Variants in NRCAM observed in about 807,000 individuals in gnomAD.
NRCAM encodes the protein NgCAM-related cell adhesion molecule.
Under a neutral mutation model 156.5 loss-of-function variants are expected in NRCAM, and 83 were observed. That is an observed-to-expected ratio of 0.53 (90% CI 0.44 to 0.64). NRCAM has a LOEUF of 0.64. NRCAM is among the 30% of genes least tolerant of loss of function. The probability of loss-of-function intolerance (pLI) is 0.00; values close to 1 mark genes in which losing one functional copy is unlikely to be tolerated. For missense variants in NRCAM, 1,417 were observed against 1,597.3 expected, an observed-to-expected ratio of 0.89 and a Z score of 1.92; for synonymous variants, 538 against 563.9, an observed-to-expected ratio of 0.95 and a Z score of 0.65.
At chr7:108,384,975 A>T (rs969669422) in intron 2 of NRCAM, among the ~76,000 whole-genome samples, 8 of 152,238 alleles carry the variant, frequency 5.3e-5, no homozygotes, top group Admixed American at 5.2e-4. Context: ...AACAAAGAAT[A>T]GCAGTATGAT....
At chr7:108,168,435 T>A in intron 28 of NRCAM, 33 bp from the exon 29 acceptor site, 1 of 1,562,756 alleles carries the variant, frequency 6.4e-7, no homozygotes, top group Non-Finnish European at 8.6e-7. Flanking sequence ...AAACAAACAA[T>A]CATATTGCAA....
In NRCAM at chr7:108,182,950, A is replaced by G. The variant is rs79728172; in HGVS notation, c.2305-30T>C. On this transcript the variant is annotated intron_variant, in intron 22 of 32. Transcript: ENST00000379028. ...AAGGAAAGCCAAATAACCAGAGCTT[A>G]TAACACAAATCAACTGCACAATCTT... The G allele has an allele frequency of 1.5e-3, 2,279 of 1,565,856 alleles. 33 individuals carry two copies. The African/African-American group carries it at 0.027, about 18-fold the overall frequency.
At chr7:108,401,091 C>T (rs907671213) in intron 1 of NRCAM, among the ~76,000 whole-genome samples, 7 of 151,994 alleles carry the variant, frequency 4.6e-5, no homozygotes, top group Non-Finnish European at 2.9e-5. Flanking sequence ...GAAACCCCGT[C>T]TCTACTAAAA....
chr7:108,396,041 A>G (rs2099775910), intron 2 of NRCAM, among the ~76,000 whole-genome samples: 1 of 152,184 alleles, frequency 6.6e-6, no homozygotes, highest in Non-Finnish European at 1.5e-5. Flanking sequence ...GTCTCCCCAC[A>G]GCACTCACCC....
chr7:108,444,279 G>A (rs1393658803), intron 1 of NRCAM, among the ~76,000 whole-genome samples: 3 of 152,036 alleles, frequency 2.0e-5, no homozygotes, highest in Non-Finnish European at 2.9e-5. Flanking sequence ...TGGGGGTAAG[G>A]GGGTGGTCTG....
intron 25 of NRCAM, among the ~76,000 whole-genome samples, chr7:108,178,589 G>C (rs2061900597): frequency 6.6e-6 from 1 of 152,216 alleles, no homozygotes; most frequent in Admixed American, 6.5e-5. Context: ...CCCAGGTGCA[G>C]AAACGTTCTT....
At chr7:108,374,671 T>C (rs1243674560) in intron 2 of NRCAM, among the ~76,000 whole-genome samples, 1 of 152,172 alleles carries the variant, frequency 6.6e-6, no homozygotes, top group Admixed American at 6.6e-5. Context: ...TGCTAAATAC[T>C]GTGGTTTCAC....
rs752414632 is a variant in NRCAM at position 108,194,076 on chromosome 7, A to G, written c.1726T>C (p.Ser576Pro). Residue 576 changes from serine (S) to proline (P), a missense_variant, in exon 17 of 33, where the codon TCC (serine) becomes CCC (proline). Coordinates refer to ENST00000379028, the MANE Select transcript of NRCAM (RefSeq NM_001037132.4). ...ECKVKHDHTL[S>P]LTVLWLKDNR... ...TCCTTCAGCCACAGGACAGTGAGGG[A>G]TAAGGTGTGATCATGTTTCACTTTG... The G allele has an allele frequency of 3.0e-5, 48 of 1,614,138 alleles. No individual in the cohort carries two copies. Among genetic ancestry groups the G allele is most frequent in the Admixed American group, 5.0e-5 (3 of 60,028 alleles).
In NRCAM at chr7:108,238,026, C is replaced by T. The variant is rs558323621; in HGVS notation, c.107-257G>A. On this transcript the variant is annotated intron_variant, in intron 4 of 32. Transcript: ENST00000379028. ...GAACAAAAGCAATGCTGTAGGCAAA[C>T]GAGTTCTTCCAGGAATAGGAATAGC... is the stretch of plus-strand genomic sequence containing the variant. Among the ~76,000 whole-genome samples the T allele has an allele frequency of 3.3e-5, 5 of 152,170 alleles. No individual in the cohort carries two copies. The South Asian group carries it at 6.2e-4, about 19-fold the overall frequency.
chr7:108,427,321 A>C (rs999721729), intron 1 of NRCAM, among the ~76,000 whole-genome samples: 3 of 152,212 alleles, frequency 2.0e-5, no homozygotes, highest in Non-Finnish European at 4.4e-5. Flanking sequence ...ACTCAACTCC[A>C]TGAGTTCCTA....
At chr7:108,358,731 G>A (rs1189914787) in intron 2 of NRCAM, among the ~76,000 whole-genome samples, 1 of 152,142 alleles carries the variant, frequency 6.6e-6, no homozygotes, top group Non-Finnish European at 1.5e-5. Flanking sequence ...CCTGTCAAGG[G>A]GAGTTTGTTT....
At chr7:108,314,207 C>T (rs1400700082) in intron 2 of NRCAM, among the ~76,000 whole-genome samples, 1 of 152,090 alleles carries the variant, frequency 6.6e-6, no homozygotes, top group Non-Finnish European at 1.5e-5. Flanking sequence ...TTGCAAAGAC[C>T]ACCAAAAGAC....
At chr7:108,313,570 G>A (rs529274929) in intron 2 of NRCAM, among the ~76,000 whole-genome samples, 10 of 152,116 alleles carry the variant, frequency 6.6e-5, no homozygotes, top group Admixed American at 6.6e-4. Context: ...AAATTATTCC[G>A]TTAATAAAAG....
At chr7:108,446,663 A>G (rs1207897673) in intron 1 of NRCAM, among the ~76,000 whole-genome samples, 1 of 151,634 alleles carries the variant, frequency 6.6e-6, no homozygotes, top group African/African-American at 2.4e-5. Flanking sequence ...CGGCCCCTCA[A>G]TGTTATTTAG....
intron 3 of NRCAM, among the ~76,000 whole-genome samples, chr7:108,279,927 T>C (rs1223020546): frequency 6.6e-6 from 1 of 152,136 alleles, no homozygotes; most frequent in Non-Finnish European, 1.5e-5. Flanking sequence ...TACATAAATG[T>C]GGGCGGAGTG....
At chr7:108,212,085 C>T (rs2084870980) in intron 11 of NRCAM, among the ~76,000 whole-genome samples, 1 of 152,324 alleles carries the variant, frequency 6.6e-6, no homozygotes, top group Middle Eastern at 3.4e-3. Flanking sequence ...TGCAAACAAA[C>T]TCCAATAGCA....
chr7:108,261,740 G>C (rs1313989902), intron 3 of NRCAM, among the ~76,000 whole-genome samples: 2 of 152,154 alleles, frequency 1.3e-5, no homozygotes, highest in African/African-American at 4.8e-5. Context: ...CTCTAGGACA[G>C]TGGCCTCACC....
intron 2 of NRCAM, among the ~76,000 whole-genome samples, chr7:108,329,952 A>C (rs912597673): frequency 1.3e-5 from 2 of 152,198 alleles, no homozygotes; most frequent in Admixed American, 6.5e-5. Context: ...GAAAGCCTTT[A>C]AACTTATTTC....
At chr7:108,318,687 GA>G (rs2098962451) in intron 2 of NRCAM, among the ~76,000 whole-genome samples, 1 of 152,080 alleles carries the variant, frequency 6.6e-6, no homozygotes, top group African/African-American at 2.4e-5. Context: ...ATAAGAAGGA[GA>G]AAACAAAGAT....
Sources: allele counts gnomAD v4.1 joint callset (sites outside exome capture counted in the v4.1 genomes callset), GRCh38; gene constraint gnomAD v4.1.1; transcripts MANE v1.5; gene names NCBI Gene and HGNC (gene_info 2026-07-23, HGNC 2026-07-21).